Variants in SMG7 observed in about 807,000 individuals in gnomAD.
SMG7 encodes the protein nonsense-mediated mRNA decay factor SMG7.
Under a neutral mutation model 148.2 loss-of-function variants are expected in SMG7, and 34 were observed. The ratio of observed to expected loss-of-function variants is 0.23; its 90% confidence interval spans 0.17 to 0.31. The LOEUF (loss-of-function observed/expected upper bound fraction) is 0.31, where lower values mean the gene tolerates loss of function less well. Ranked by LOEUF, SMG7 falls within the 10% of genes least tolerant of loss-of-function variation. The pLI, the probability that SMG7 is intolerant of heterozygous loss-of-function variation, is 1.00. For synonymous variants in SMG7, 492 were observed against 515.1 expected (o/e 0.96, Z 0.61); for missense variants, 1,114 against 1,408.4 (o/e 0.79, Z 3.35).
At position 183,545,304 on chromosome 1, in the gene SMG7, T is replaced by C. The variant is rs776137274; in HGVS notation, c.2362T>C (p.Phe788Leu). ...GAAAAGCCCGCCTCACCACTCTGGA[T>C]TCCAGCAGGTAAGTTACAGTTGTGT... ...LGKSPPHHSGFQQYQQADASK... is the reference protein window; with the variant it reads ...LGKSPPHHSGLQQYQQADASK... Residue 788 changes from phenylalanine to leucine, a missense_variant, in exon 16 of 23, where the codon TTC becomes CTC. Around this residue, in one of 4 missense-constraint regions of SMG7, gnomAD observed 788 missense variants for 894.5 expected, o/e 0.88. Coordinates refer to ENST00000688051, the MANE Select transcript of SMG7 (RefSeq NM_001375584.1). 3 of 1,608,508 alleles carry C rather than the reference T, an allele frequency of 1.9e-6. No homozygotes were observed. The South Asian group carries it at 3.3e-5, about 18-fold the overall frequency.
chr1:183,502,481 G>C, intron 1 of SMG7: 2 of 1,011,944 alleles, frequency 2.0e-6, no homozygotes, highest in Non-Finnish European at 2.7e-6. Context: ...AATAAAATTA[G>C]AAACTTCCTG....
At position 183,553,163 on chromosome 1, in the gene SMG7, C is replaced by A; in HGVS notation, c.*1232C>A. ...CCATCAGGCACAGAAGAAAACACGA[C>A]GTCGTCCATTTTGGAAGAGACGAAA... On this transcript the variant is annotated 3_prime_UTR_variant, in exon 23 of 23. Transcript: ENST00000688051. 1 of 1,536,428 alleles carries A rather than the reference C, an allele frequency of 6.5e-7. No individual in the cohort carries two copies. Among genetic ancestry groups the A allele is most frequent in the Non-Finnish European group, 8.7e-7 (1 of 1,146,912 alleles).
chr1:183,486,485 A>G (rs1172264921), intron 1 of SMG7, among the ~76,000 whole-genome samples: 2 of 152,114 alleles, frequency 1.3e-5, no homozygotes, highest in Admixed American at 6.5e-5. Flanking sequence ...ATCTCGGCTC[A>G]CTGCAGCCTC....
chr1:183,534,936 A>G (rs1667485351), intron 10 of SMG7, among the ~76,000 whole-genome samples: 1 of 151,904 alleles, frequency 6.6e-6, no homozygotes, highest in Admixed American at 6.6e-5. Context: ...TGATATATTG[A>G]CATTATCATG....
Position 183,533,286 on chromosome 1 carries a change from A to G in SMG7, c.966A>G (p.Gln322=). The change falls in exon 9 of 23, where the codon CAA becomes CAG. Residue 322 remains glutamine, a synonymous_variant. Transcript: ENST00000688051. ...SNETEQHTYS[Q]DEQLCWTQLL... ...AAACCGAGCAGCACACTTATAGCCA[A>G]GATGAGCAGCTATGTTGGACACAGT... The G allele has an allele frequency of 6.2e-7, 1 of 1,614,004 alleles. No homozygotes were observed. The highest frequency in any genetic ancestry group is 8.5e-7 in the Non-Finnish European group (1 of 1,179,868).
intron 1 of SMG7, chr1:183,473,021 A>G (rs551564013): frequency 7.3e-6 from 2 of 275,522 alleles, no homozygotes; most frequent in South Asian, 1.6e-4. Context: ...TCCCCGTGGC[A>G]GGGGACTCGT....
chr1:183,519,392 C>A (rs12125461), intron 4 of SMG7, among the ~76,000 whole-genome samples: 1 of 151,340 alleles, frequency 6.6e-6, no homozygotes, highest in African/African-American at 2.4e-5. Flanking sequence ...GAATGCTTCT[C>A]GAGAGAGGGA....
At position 183,520,164 on chromosome 1, in the gene SMG7, C is replaced by A. The variant is rs187688253; in HGVS notation, c.312+2344C>A. ...ATTTGGAAACAACACCAATGTTCTACAAGAGAATAATAGTTAAATTATGGC... is the reference window on the plus strand; with the variant it reads ...ATTTGGAAACAACACCAATGTTCTAAAAGAGAATAATAGTTAAATTATGGC... On this transcript the variant is annotated intron_variant, in intron 4 of 22. Transcript: ENST00000688051. Among the ~76,000 whole-genome samples, 245 of 151,854 alleles carry A rather than the reference C, an allele frequency of 1.6e-3. 2 individuals are homozygous for A. The highest frequency in any genetic ancestry group is 5.7e-3 in the African/African-American group (236 of 41,406).
At chr1:183,476,139 T>C (rs932806590) in intron 1 of SMG7, among the ~76,000 whole-genome samples, 5 of 152,186 alleles carry the variant, frequency 3.3e-5, no homozygotes, top group African/African-American at 4.8e-5. Flanking sequence ...GTGGGGACAC[T>C]AGAGAATGTC....
chr1:183,549,186 C>CT, intron 18 of SMG7, 22 bp from the exon 19 acceptor site: 3 of 1,576,758 alleles, frequency 1.9e-6, no homozygotes, highest in Non-Finnish European at 2.6e-6. Flanking sequence ...ACTTAATTAC[C>CT]TTTTTTTCTG....
chr1:183,551,763 C>T (rs965483532), intron 22 of SMG7, 55 bp from the exon 23 acceptor site: 13 of 1,396,724 alleles, frequency 9.3e-6, no homozygotes, highest in Non-Finnish European at 1.3e-5. Flanking sequence ...TGAAAAATCC[C>T]TTTCAGACAA....
chr1:183,543,487 G>GA (rs776454221), intron 14 of SMG7, among the ~76,000 whole-genome samples: 5,323 of 144,698 alleles, frequency 0.037, 124 homozygotes, highest in Non-Finnish European at 0.052. Context: ...GGAAAGGCAA[G>GA]AAAAAAAAAA....
At chr1:183,510,061 C>T (rs1056622465) in intron 1 of SMG7, among the ~76,000 whole-genome samples, 1 of 152,084 alleles carries the variant, frequency 6.6e-6, no homozygotes, top group Non-Finnish European at 1.5e-5. Flanking sequence ...TTCATCTTTA[C>T]AAAACAAATC....
intron 18 of SMG7, chr1:183,548,959 C>G (rs1177024619): frequency 7.8e-6 from 4 of 514,396 alleles, no homozygotes; most frequent in Non-Finnish European, 1.4e-5. Context: ...TTACCAGGGT[C>G]TCTGGTCCCT....
chr1:183,552,149 T>G lies in SMG7; in HGVS notation c.*218T>G. On this transcript the variant is annotated 3_prime_UTR_variant, in exon 23 of 23. Coordinates refer to ENST00000688051, the MANE Select transcript of SMG7 (RefSeq NM_001375584.1). ...GGAACTCTCCGTCCCCCCGGGGCCC[T>G]CCGGAGGGAGAGAGAGAGGAACTGC... 8.3e-7 allele frequency: 1 copy of G among 1,205,540 alleles called. No homozygotes were observed. The allele number at this position is 1,205,540 out of a possible 1,614,324, so 74.7% of individuals were successfully genotyped here.
rs762761287 is a variant in SMG7 at position 183,542,198 on chromosome 1, A to G, written c.1538A>G (p.Glu513Gly). The G allele has an allele frequency of 3.1e-6, 5 of 1,614,152 alleles. No individual in the cohort carries two copies. The highest frequency in any genetic ancestry group is 4.2e-6 in the Non-Finnish European group (5 of 1,179,988). The part of the protein sequence containing the change: ...NLILQETSVI[E>G]SLAADGSPGL... ...ATTCTGCAAGAAACATCTGTGATAG[A>G]GTCGCTGGCTGCAGATGGGAGCCCA... Residue 513 changes from glutamate to glycine, a missense_variant, in exon 14 of 23, where the codon GAG (glutamate) becomes GGG (glycine). By Grantham distance (98) the Glu-to-Gly change is moderately conservative. This residue lies in a region of SMG7 where 788 missense variants were observed against 894.5 expected (regional missense o/e 0.88). Coordinates refer to ENST00000688051, the MANE Select transcript of SMG7 (RefSeq NM_001375584.1).
chr1:183,517,882 C>G (rs771262343), intron 4 of SMG7, 62 bp downstream of exon 4: 41 of 1,529,406 alleles, frequency 2.7e-5, no homozygotes, highest in Non-Finnish European at 3.6e-5. Flanking sequence ...GCTCTTTGTA[C>G]ACGTCTTAAT....
At chr1:183,529,735 C>T (rs1026159414) in intron 8 of SMG7, among the ~76,000 whole-genome samples, 2 of 152,126 alleles carry the variant, frequency 1.3e-5, no homozygotes, top group Non-Finnish European at 1.5e-5. Context: ...TATAATATAG[C>T]AGTGTTTTCA....
At position 183,529,617 on chromosome 1, in the gene SMG7, A is replaced by G. The variant is rs1315354340; in HGVS notation, c.843+84A>G. 4.5e-6 allele frequency: 5 copies of G among 1,119,278 alleles called. No individual in the cohort carries two copies. In the Admixed American group the frequency reaches 1.1e-4, roughly 25 times the overall value. The allele number at this position is 1,119,278 out of a possible 1,614,324, so 69.3% of individuals were successfully genotyped here. ...GAGGAAACTGACTCCCAGTTTTTGT[A>G]GTTACTTAACTGTGTGAACTATTGG... On this transcript the variant is annotated intron_variant, in intron 8 of 22. Coordinates refer to ENST00000688051, the MANE Select transcript of SMG7 (RefSeq NM_001375584.1).
Sources: gnomAD v4.1 joint callset for allele counts (sites outside exome capture counted in the v4.1 genomes callset) on GRCh38, gnomAD v4.1.1 for gene constraint, gnomAD v4.1.1 regional missense constraint, MANE v1.5 for transcripts, NCBI Gene and HGNC (gene_info 2026-07-23, HGNC 2026-07-21) for gene names.